The following GPHN variants were observed in gnomAD, a reference collection of about 807,000 sequenced individuals.
The protein encoded by GPHN is gephyrin.
A neutral mutation model predicts 95.5 loss-of-function variants in GPHN; 17 were observed. That is an observed-to-expected ratio of 0.18 (90% CI 0.12 to 0.27). The LOEUF (loss-of-function observed/expected upper bound fraction) is 0.27, where lower values mean the gene tolerates loss of function less well. Among genes scored for constraint, GPHN ranks in the 10% least tolerant of loss-of-function variants. GPHN has a pLI of 1.00. For missense variants in GPHN, 660 were observed against 978.1 expected (o/e 0.67, Z 4.34); for synonymous variants, 320 against 322.5 (o/e 0.99, Z 0.08).
chr14:67,439,035 T>C, the GPHN span, among the ~76,000 whole-genome samples: 1 of 152,138 alleles, frequency 6.6e-6, no homozygotes, highest in Non-Finnish European at 1.5e-5. Context: ...TGATAGGATG[T>C]GGGACCATGA....
At chr14:67,419,557 C>G in the GPHN span, among the ~76,000 whole-genome samples, 1 of 152,200 alleles carries the variant, frequency 6.6e-6, no homozygotes, top group Non-Finnish European at 1.5e-5. Context: ...CAGGGGGGTT[C>G]TCATCTCATA....
At chr14:66,952,383 C>T (rs1596485620) in intron 8 of GPHN, among the ~76,000 whole-genome samples, 2 of 151,520 alleles carry the variant, frequency 1.3e-5, no homozygotes, top group South Asian at 2.1e-4. Context: ...TTTATGGCTG[C>T]ACAATATTCC....
At chr14:67,381,699 T>G in the GPHN span, 2 of 1,597,968 alleles carry the variant, frequency 1.3e-6, no homozygotes, top group Non-Finnish European at 1.7e-6. Flanking sequence ...AGGTGAGTCA[T>G]GAGTTGTCTC....
intron 5 of GPHN, among the ~76,000 whole-genome samples, chr14:66,898,478 A>AG (rs1246505405): frequency 6.7e-6 from 1 of 149,384 alleles, no homozygotes; most frequent in East Asian, 1.9e-4. Context: ...AAAAAAAAAA[A>AG]AAAAAAAAAA....
the GPHN span, among the ~76,000 whole-genome samples, chr14:67,606,398 G>A: frequency 6.6e-6 from 1 of 152,080 alleles, no homozygotes; most frequent in Non-Finnish European, 1.5e-5. Context: ...TTGTTCTTGT[G>A]CACTAAAGGT....
At chr14:67,218,401 A>T in the GPHN span, among the ~76,000 whole-genome samples, 7 of 152,034 alleles carry the variant, frequency 4.6e-5, no homozygotes, top group Non-Finnish European at 7.4e-5. Context: ...TCAAATCTGG[A>T]ACACAAGTGC....
chr14:66,896,193 T>G (rs916353746), intron 5 of GPHN, among the ~76,000 whole-genome samples: 1 of 152,136 alleles, frequency 6.6e-6, no homozygotes, highest in Non-Finnish European at 1.5e-5. Context: ...CATATGAATT[T>G]GGGGTAAACA....
At chr14:66,617,189 C>T (rs1239352205) in intron 1 of GPHN, among the ~76,000 whole-genome samples, 2 of 152,182 alleles carry the variant, frequency 1.3e-5, no homozygotes, top group Admixed American at 6.5e-5. Context: ...AGGCCCCTAC[C>T]CCAAGGAGCT....
At chr14:66,741,328 T>C (rs1299135372) in intron 2 of GPHN, among the ~76,000 whole-genome samples, 1 of 152,228 alleles carries the variant, frequency 6.6e-6, no homozygotes, top group Non-Finnish European at 1.5e-5. Context: ...TTATTGAATG[T>C]CTTTTGTGTG....
intron 2 of GPHN, among the ~76,000 whole-genome samples, chr14:66,745,100 G>A (rs1036821050): frequency 5.9e-5 from 9 of 151,848 alleles, no homozygotes. Flanking sequence ...AAGTTCATTT[G>A]GTTATGAATT....
chr14:67,464,408 A>G, the GPHN span, among the ~76,000 whole-genome samples: 1 of 151,866 alleles, frequency 6.6e-6, no homozygotes, highest in Non-Finnish European at 1.5e-5. Context: ...CCCTCTGTCC[A>G]TCACATCCAT....
the GPHN span, among the ~76,000 whole-genome samples, chr14:67,272,815 T>C: frequency 1.3e-5 from 2 of 152,108 alleles, no homozygotes; most frequent in Admixed American, 1.3e-4. Context: ...CAAGCCACCA[T>C]GGCTGGATAA....
chr14:66,936,165 G>A (rs150803855), intron 8 of GPHN, among the ~76,000 whole-genome samples: 1,828 of 152,244 alleles, frequency 0.012, 19 homozygotes, highest in Non-Finnish European at 0.018. Flanking sequence ...GATCACCTGA[G>A]GTCAGGAGTT....
intron 5 of GPHN, among the ~76,000 whole-genome samples, chr14:66,891,770 TA>T (rs2064519609): frequency 6.6e-6 from 1 of 151,478 alleles, no homozygotes; most frequent in Admixed American, 6.6e-5. Flanking sequence ...ATATTTTTTT[TA>T]ATTCCTACAA....
At chr14:67,600,147 G>A in the GPHN span, 7 of 1,592,846 alleles carry the variant, frequency 4.4e-6, no homozygotes, top group Non-Finnish European at 5.1e-6. Context: ...AGTAGTAGCG[G>A]CGCTGCAGCG....
At chr14:67,601,594 A>C in the GPHN span, among the ~76,000 whole-genome samples, 2 of 151,572 alleles carry the variant, frequency 1.3e-5, no homozygotes, top group South Asian at 4.3e-4. Context: ...AGGAGTGGCT[A>C]TGTGGACTGT....
intron 1 of GPHN, among the ~76,000 whole-genome samples, chr14:66,656,365 A>T (rs1163640339): frequency 6.6e-6 from 1 of 152,162 alleles, no homozygotes; most frequent in African/African-American, 2.4e-5. Flanking sequence ...TCTTAGGTTA[A>T]CAAACTGATG....
At chr14:67,688,951 G>A in the GPHN span, among the ~76,000 whole-genome samples, 1 of 152,168 alleles carries the variant, frequency 6.6e-6, no homozygotes, top group Admixed American at 6.5e-5. Flanking sequence ...CTGCTGAATG[G>A]CTGAATGAAT....
intron 9 of GPHN, among the ~76,000 whole-genome samples, chr14:67,012,115 T>C (rs576573538): frequency 6.6e-6 from 1 of 152,312 alleles, no homozygotes; most frequent in South Asian, 2.1e-4. Context: ...AGGTTAATGA[T>C]TGCTAAAAAG....
Sources: gnomAD v4.1 joint callset for allele counts (sites outside exome capture counted in the v4.1 genomes callset) on GRCh38, gnomAD v4.1.1 for gene constraint, MANE v1.5 for transcripts, NCBI Gene and HGNC (gene_info 2026-07-23, HGNC 2026-07-21) for gene names.